Variants in STK32A observed in about 807,000 individuals in gnomAD.
STK32A encodes the protein serine/threonine kinase 32A, also known as serine/threonine-protein kinase 32A.
In STK32A, 41 loss-of-function variants were observed where a neutral mutation model predicts 53.2. That is an observed-to-expected ratio of 0.77 (90% confidence interval 0.60 to 1.00). STK32A has a LOEUF of 1.00. STK32A is among the 50% of genes least tolerant of loss of function. The probability of loss-of-function intolerance (pLI) is 0.00; values close to 1 mark genes in which losing one functional copy is unlikely to be tolerated. For synonymous variants in STK32A, 166 were observed against 162.8 expected, an observed-to-expected ratio of 1.02 and a Z score of -0.15; for missense variants, 458 against 485.8, an observed-to-expected ratio of 0.94 and a Z score of 0.54.
At chr5:147,297,675 A>C (rs1752928347) in intron 4 of STK32A, among the ~76,000 whole-genome samples, 1 of 152,150 alleles carries the variant, frequency 6.6e-6, no homozygotes, top group African/African-American at 2.4e-5. Flanking sequence ...GGGCATTTGA[A>C]GGATATTGTC....
chr5:147,395,533 T>C, the STK32A span: 1 of 1,594,298 alleles, frequency 6.3e-7, no homozygotes, highest in Non-Finnish European at 8.5e-7. Context: ...CCTTCTCTTA[T>C]CTTTTGATGA....
chr5:147,317,422 G>A (rs2151975027), intron 4 of STK32A, among the ~76,000 whole-genome samples: 1 of 128,172 alleles, frequency 7.8e-6, no homozygotes, highest in South Asian at 2.6e-4. Context: ...CCGCCGCCCA[G>A]GTTCAAGTGA....
chr5:147,360,463 AAAAAGAAAAAAAAAAG>A (rs1561746467), intron 7 of STK32A, among the ~76,000 whole-genome samples: 2 of 144,442 alleles, frequency 1.4e-5, no homozygotes, highest in Admixed American at 6.9e-5. Flanking sequence ...AAAAAAAAAA[AAAAAGAAAAAAAAAAG>A]AAAGAAAGAA....
At chr5:147,262,597 AC>A (rs1561677439) in intron 2 of STK32A, among the ~76,000 whole-genome samples, 5 of 140,580 alleles carry the variant, frequency 3.6e-5, no homozygotes, top group African/African-American at 6.4e-5. Context: ...AAAAAACAAA[AC>A]AAAACAAAAA....
chr5:147,262,785 G>A (rs902265406), intron 2 of STK32A, among the ~76,000 whole-genome samples: 1 of 152,136 alleles, frequency 6.6e-6, no homozygotes, highest in Non-Finnish European at 1.5e-5. Context: ...AAAGGAGACA[G>A]AGAACTAGAA....
chr5:147,308,594 T>C (rs531702539), intron 4 of STK32A, among the ~76,000 whole-genome samples: 2 of 152,312 alleles, frequency 1.3e-5, no homozygotes, highest in South Asian at 4.1e-4. Flanking sequence ...AATGGACATC[T>C]TTGTCTCTTT....
chr5:147,259,468 G>A (rs1754394772), intron 2 of STK32A, among the ~76,000 whole-genome samples: 1 of 151,984 alleles, frequency 6.6e-6, no homozygotes, highest in Admixed American at 6.5e-5. Context: ...CTTACAACAA[G>A]GTGGTACTGG....
intron 2 of STK32A, among the ~76,000 whole-genome samples, chr5:147,269,212 A>G (rs1019917): frequency 0.59 from 89,694 of 152,074 alleles, 26,810 homozygotes; most frequent in African/African-American, 0.67. Flanking sequence ...TATTCCTTAT[A>G]TAAATGTTAG....
chr5:147,339,695 A>G (rs1755309799), intron 5 of STK32A, among the ~76,000 whole-genome samples: 1 of 152,280 alleles, frequency 6.6e-6, no homozygotes, highest in South Asian at 2.1e-4. Context: ...CACATGTTAC[A>G]TCAGCGTGAC....
chr5:147,273,105 A>T (rs575360376), intron 2 of STK32A, among the ~76,000 whole-genome samples: 30 of 152,366 alleles, frequency 2.0e-4, no homozygotes, highest in African/African-American at 6.7e-4. Flanking sequence ...TCAGGGTGTT[A>T]TAACAGACTC....
chr5:147,256,094 C>A (rs139655770), intron 2 of STK32A, among the ~76,000 whole-genome samples: 2,972 of 152,278 alleles, frequency 0.02, 101 homozygotes, highest in African/African-American at 0.068. Flanking sequence ...ACCACAATAC[C>A]ACCACACATC....
At chr5:147,247,509 T>C (rs777152202) in intron 2 of STK32A, among the ~76,000 whole-genome samples, 11 of 152,202 alleles carry the variant, frequency 7.2e-5, no homozygotes, top group Admixed American at 3.9e-4. Context: ...TATAGTAAAA[T>C]AAACAAAATT....
At chr5:147,302,041 A>T (rs1284146628) in intron 4 of STK32A, among the ~76,000 whole-genome samples, 1 of 152,114 alleles carries the variant, frequency 6.6e-6, no homozygotes, top group Non-Finnish European at 1.5e-5. Context: ...TCTCTATCTG[A>T]TGATGGGCCT....
intron 4 of STK32A, among the ~76,000 whole-genome samples, chr5:147,308,050 G>T (rs1233486429): frequency 6.6e-6 from 1 of 151,728 alleles, no homozygotes. Flanking sequence ...TAAAGCTGCT[G>T]GTATGTATAT....
intron 7 of STK32A, among the ~76,000 whole-genome samples, chr5:147,351,778 C>T (rs187515079): frequency 6.6e-6 from 1 of 152,102 alleles, no homozygotes; most frequent in South Asian, 2.1e-4. Context: ...ATCTGGGAGG[C>T]GGAGGTTGCA....
chr5:147,272,660 A>G (rs1755091849), intron 2 of STK32A, among the ~76,000 whole-genome samples: 1 of 152,176 alleles, frequency 6.6e-6, no homozygotes, highest in Non-Finnish European at 1.5e-5. Context: ...TGGAACTGGA[A>G]CTGCAAACTT....
intron 7 of STK32A, among the ~76,000 whole-genome samples, chr5:147,358,396 T>A (rs6866098): frequency 0.25 from 37,297 of 151,950 alleles, 5,734 homozygotes; most frequent in African/African-American, 0.43. Context: ...CACAGAAAAG[T>A]TACACATTCT....
intron 4 of STK32A, among the ~76,000 whole-genome samples, chr5:147,302,400 T>C (rs1753184058): frequency 6.6e-6 from 1 of 152,168 alleles, no homozygotes; most frequent in African/African-American, 2.4e-5. Context: ...AGTTCCGAAG[T>C]GTAGACATTG....
intron 4 of STK32A, among the ~76,000 whole-genome samples, chr5:147,294,797 C>T (rs929068421): frequency 4.6e-5 from 7 of 152,042 alleles, no homozygotes; most frequent in Non-Finnish European, 1.0e-4. Flanking sequence ...AATTCTCTTG[C>T]TTCAGCCTCC....
Sources: allele counts gnomAD v4.1 joint callset (sites outside exome capture counted in the v4.1 genomes callset), GRCh38; gene constraint gnomAD v4.1.1; transcripts MANE v1.5; gene names NCBI Gene and HGNC (gene_info 2026-07-23, HGNC 2026-07-21).